NALCN: variants seen among roughly 807,000 people sequenced by gnomAD.
The protein encoded by NALCN is sodium leak channel, non-selective.
Under a neutral mutation model 225.3 loss-of-function variants are expected in NALCN, and 111 were observed. That is an observed-to-expected ratio of 0.49 (90% CI 0.42 to 0.58). The LOEUF is 0.58. Among genes scored for constraint, NALCN ranks in the 20% least tolerant of loss-of-function variants. NALCN has a pLI of 0.00. For missense variants in NALCN, 1,378 were observed against 2,202.4 expected (o/e 0.63, Z 7.49); for synonymous variants, 764 against 769.0 (o/e 0.99, Z 0.11).
At chr13:101,188,968 G>A (rs1002216156) in intron 14 of NALCN, among the ~76,000 whole-genome samples, 4 of 152,168 alleles carry the variant, frequency 2.6e-5, no homozygotes, top group East Asian at 3.9e-4. Flanking sequence ...GATTACAGGC[G>A]TGAGCCACCG....
chr13:101,162,715 A>G (rs563787458), intron 15 of NALCN, among the ~76,000 whole-genome samples: 1 of 152,208 alleles, frequency 6.6e-6, no homozygotes, highest in Non-Finnish European at 1.5e-5. Flanking sequence ...GCTCTTCCTT[A>G]TCATCCTTGC....
chr13:101,144,166 G>A (rs1318166282), intron 16 of NALCN, among the ~76,000 whole-genome samples: 2 of 152,092 alleles, frequency 1.3e-5, no homozygotes, highest in East Asian at 1.9e-4. Flanking sequence ...TTAAAAATAG[G>A]TGTTTAAAGC....
chr13:101,149,159 G>A (rs2037507797), intron 15 of NALCN, among the ~76,000 whole-genome samples: 3 of 152,226 alleles, frequency 2.0e-5, no homozygotes, highest in East Asian at 1.9e-4. Flanking sequence ...TGGGCGTGGT[G>A]GCAGGCGCCT....
chr13:101,372,775 T>G (rs1202027396), intron 6 of NALCN, among the ~76,000 whole-genome samples: 1 of 152,060 alleles, frequency 6.6e-6, no homozygotes, highest in Non-Finnish European at 1.5e-5. Context: ...TATACCTTCA[T>G]TTTATGAAAG....
chr13:101,319,286 T>C (rs2044662894), intron 7 of NALCN, among the ~76,000 whole-genome samples: 2 of 152,286 alleles, frequency 1.3e-5, no homozygotes, highest in South Asian at 4.1e-4. Context: ...TCTCTGCTCC[T>C]CCTGCAGCCT....
intron 13 of NALCN, among the ~76,000 whole-genome samples, chr13:101,227,592 C>T (rs1221549730): frequency 6.6e-6 from 1 of 152,098 alleles, no homozygotes; most frequent in Non-Finnish European, 1.5e-5. Context: ...ATGTAAATTG[C>T]ATGCATTTTG....
At chr13:101,174,163 A>G (rs1157454787) in intron 15 of NALCN, among the ~76,000 whole-genome samples, 1 of 152,222 alleles carries the variant, frequency 6.6e-6, no homozygotes. Context: ...TATGAAATTA[A>G]TAGAAGAATT....
At chr13:101,177,999 A>T (rs1462411814) in intron 14 of NALCN, among the ~76,000 whole-genome samples, 1 of 152,184 alleles carries the variant, frequency 6.6e-6, no homozygotes, top group Non-Finnish European at 1.5e-5. Context: ...ATACAGAATG[A>T]TCTAGACCAG....
At chr13:101,400,828 G>A (rs964319176) in intron 1 of NALCN, among the ~76,000 whole-genome samples, 1 of 152,104 alleles carries the variant, frequency 6.6e-6, no homozygotes, top group African/African-American at 2.4e-5. Context: ...TGTGGAGAGA[G>A]GGGTTGAATT....
At chr13:101,284,905 T>C (rs560763047) in intron 9 of NALCN, among the ~76,000 whole-genome samples, 1 of 152,308 alleles carries the variant, frequency 6.6e-6, no homozygotes, top group East Asian at 1.9e-4. Context: ...TATTTTTCTT[T>C]CTAGTTCTTA....
chr13:101,178,803 C>T (rs912899930), intron 14 of NALCN, among the ~76,000 whole-genome samples: 8 of 152,164 alleles, frequency 5.3e-5, no homozygotes, highest in Non-Finnish European at 8.8e-5. Flanking sequence ...CTTGAGAACA[C>T]GTATGGAAAG....
At chr13:101,405,870 G>T (rs2047605706) in intron 1 of NALCN, among the ~76,000 whole-genome samples, 2 of 152,104 alleles carry the variant, frequency 1.3e-5, no homozygotes, top group South Asian at 4.2e-4. Flanking sequence ...CCATGAAAAA[G>T]TGCTTTGGGA....
At chr13:101,102,133 A>G (rs1390480707) in intron 26 of NALCN, among the ~76,000 whole-genome samples, 1 of 152,086 alleles carries the variant, frequency 6.6e-6, no homozygotes, top group Non-Finnish European at 1.5e-5. Context: ...AATACAAAAA[A>G]TTAACTGGGA....
intron 7 of NALCN, among the ~76,000 whole-genome samples, chr13:101,317,263 A>G (rs2044585211): frequency 6.6e-6 from 1 of 152,252 alleles, no homozygotes; most frequent in Admixed American, 6.5e-5. Flanking sequence ...AATGTTTGAT[A>G]TAGAACATCT....
chr13:101,066,742 C>CAA (rs1369484529), intron 39 of NALCN, among the ~76,000 whole-genome samples: 1 of 152,120 alleles, frequency 6.6e-6, no homozygotes, highest in Non-Finnish European at 1.5e-5. Context: ...GCAGGGGTAC[C>CAA]AAGAAGAGGG....
At chr13:101,313,718 ATAAAC>A (rs2139158416) in intron 7 of NALCN, among the ~76,000 whole-genome samples, 1 of 152,316 alleles carries the variant, frequency 6.6e-6, no homozygotes, top group African/African-American at 2.4e-5. Flanking sequence ...TGGTAGGACT[ATAAAC>A]TAGTTCAACC....
chr13:101,407,581 A>G (rs1321726073), intron 1 of NALCN, among the ~76,000 whole-genome samples: 3 of 152,232 alleles, frequency 2.0e-5, no homozygotes, highest in African/African-American at 7.2e-5. Flanking sequence ...AGCTTACTCC[A>G]TGCCAGGCAC....
intron 27 of NALCN, among the ~76,000 whole-genome samples, chr13:101,097,648 T>C (rs1393545601): frequency 2.6e-5 from 4 of 152,200 alleles, no homozygotes; most frequent in East Asian, 1.9e-4. Flanking sequence ...CATTAGGATA[T>C]GGGTAACAAA....
intron 15 of NALCN, among the ~76,000 whole-genome samples, chr13:101,152,868 A>G (rs566098411): frequency 3.3e-5 from 5 of 152,252 alleles, no homozygotes; most frequent in East Asian, 1.9e-4. Context: ...AAAAAAGTAT[A>G]TATCTTTTTT....
Sources: gnomAD v4.1 joint callset for allele counts (sites outside exome capture counted in the v4.1 genomes callset) on GRCh38, gnomAD v4.1.1 for gene constraint, MANE v1.5 for transcripts, NCBI Gene and HGNC (gene_info 2026-07-23, HGNC 2026-07-21) for gene names.